The following CHIA variants were observed in gnomAD, a reference collection of about 807,000 sequenced individuals.
CHIA encodes the protein acidic mammalian chitinase.
CHIA carries 47 observed loss-of-function variants against 53.5 expected under a neutral mutation model. The observed-to-expected ratio is 0.88, with a 90% CI of 0.70 to 1.12. The LOEUF (loss-of-function observed/expected upper bound fraction) is 1.12, where lower values mean the gene tolerates loss of function less well. Ranked by LOEUF, CHIA falls within the 50% of genes most tolerant of loss-of-function variation. The probability of loss-of-function intolerance (pLI) is 0.00; values close to 1 mark genes in which losing one functional copy is unlikely to be tolerated. For missense variants in CHIA, 652 were observed against 592.2 expected (o/e 1.10, Z -1.05); for synonymous variants, 268 against 222.2 (o/e 1.21, Z -1.83).
intron 1 of CHIA, among the ~76,000 whole-genome samples, chr1:111,299,703 ACTC>A (rs1319818348): frequency 6.6e-6 from 1 of 152,076 alleles, no homozygotes; most frequent in African/African-American, 2.4e-5. Flanking sequence ...CTCTCTCACT[ACTC>A]CTATTCAACA....
chr1:111,318,025 T>C lies in CHIA; in HGVS notation c.645T>C (p.His215=), dbSNP rs761279813. The C allele has an allele frequency of 9.9e-6, 16 of 1,613,994 alleles. No individual in the cohort carries two copies. The South Asian group carries it at 1.6e-4, about 17-fold the overall frequency. The change falls in exon 8 of 12, where the codon CAT becomes CAC. Residue 215 remains histidine, a synonymous_variant. Coordinates refer to ENST00000369740, the MANE Select transcript of CHIA (RefSeq NM_201653.4). ...TCCATGTCATGACCTACGACCTCCA[T>C]GGCTCCTGGGAGGGCTACACTGGAG... is the stretch of plus-strand genomic sequence containing the variant. ...DYIHVMTYDL[H]GSWEGYTGEN... is the part of the protein sequence containing the mutation.
intron 1 of CHIA, among the ~76,000 whole-genome samples, chr1:111,296,275 C>T (rs979184875): frequency 6.6e-6 from 1 of 152,208 alleles, no homozygotes; most frequent in African/African-American, 2.4e-5. Flanking sequence ...GTCCCTGACC[C>T]CTGTGTAGCC....
At chr1:111,301,911 G>A (rs543691537) in intron 1 of CHIA, among the ~76,000 whole-genome samples, 1 of 152,164 alleles carries the variant, frequency 6.6e-6, no homozygotes, top group East Asian at 1.9e-4. Context: ...TTGCGGGGTG[G>A]GGGATTGGGG....
Position 111,312,302 on chromosome 1 carries a change from C to A in CHIA, c.168C>A (p.Tyr56Ter). 1 of 1,614,120 alleles carries A rather than the reference C, an allele frequency of 6.2e-7. No individual in the cohort carries two copies. The highest frequency in any genetic ancestry group is 1.1e-5 in the South Asian group (1 of 91,076). Residue 56 changes from tyrosine to a stop codon, truncating the protein, a stop_gained, in exon 4 of 12, where the codon TAC becomes TAA. Coordinates refer to ENST00000369740, the MANE Select transcript of CHIA (RefSeq NM_201653.4). LOFTEE classifies it high-confidence loss of function. ...CCTGCCTCTGTACCCACCTGATCTA[C>A]GCCTTTGCTGGGAGGCAGAACAACG... ...IDPCLCTHLI[Y>*]AFAGRQNNEI... is the part of the protein sequence containing the mutation.
At chr1:111,299,270 G>A (rs969376564) in intron 1 of CHIA, among the ~76,000 whole-genome samples, 12 of 152,042 alleles carry the variant, frequency 7.9e-5, no homozygotes, top group African/African-American at 2.9e-4. Context: ...CCAAAGCCTG[G>A]CAGACACACC....
At chr1:111,309,736 A>T (rs190709362) in intron 1 of CHIA, among the ~76,000 whole-genome samples, 31 of 152,370 alleles carry the variant, frequency 2.0e-4, no homozygotes, top group Admixed American at 1.8e-3. Context: ...GAAACGGTCA[A>T]GTTGCAAATA....
intron 11 of CHIA, 43 bp downstream of exon 11, chr1:111,319,511 T>C: frequency 6.3e-7 from 1 of 1,598,188 alleles, no homozygotes; most frequent in Non-Finnish European, 8.6e-7. Flanking sequence ...AAATACCCCT[T>C]CTCCAACTCA....
rs760985455 is a variant in CHIA, at chr1:111,310,419, A to G, written c.-49A>G. The G allele has an allele frequency of 1.2e-6, 2 of 1,604,692 alleles. No individual in the cohort carries two copies. Among genetic ancestry groups the G allele is most frequent in the Non-Finnish European group, 1.7e-6 (2 of 1,175,512 alleles). Reference sequence around the variant, plus strand: ...ATTTAGAAGCCTTTGTGATAACCACAGAATCAGAACATATAAAAAGCTCTG... The same window carrying G: ...ATTTAGAAGCCTTTGTGATAACCACGGAATCAGAACATATAAAAAGCTCTG... On this transcript the variant is annotated 5_prime_UTR_variant, in exon 2 of 12. Transcript: ENST00000369740.
rs550563929 is a variant in CHIA, at chr1:111,304,830, A to G, written c.-68-5570A>G. Among the ~76,000 whole-genome samples the G allele has an allele frequency of 7.9e-5, 12 of 152,256 alleles. No individual in the cohort carries two copies. The East Asian group carries it at 2.3e-3, about 29-fold the overall frequency. ...TGTGATTTTTGGTTAAAAACTGGAC[A>G]TTTGAATCTAATAATGTGGTATCTC... On this transcript the variant is annotated intron_variant, in intron 1 of 11. Coordinates refer to ENST00000369740, the MANE Select transcript of CHIA (RefSeq NM_201653.4).
chr1:111,298,990 T>G (rs1022454370), intron 1 of CHIA, among the ~76,000 whole-genome samples: 5 of 152,158 alleles, frequency 3.3e-5, no homozygotes, highest in African/African-American at 9.6e-5. Context: ...AAATCTAGAA[T>G]AAATGGATAA....
intron 4 of CHIA, among the ~76,000 whole-genome samples, chr1:111,312,803 TC>T (rs754057497): frequency 2.6e-4 from 37 of 143,570 alleles, no homozygotes; most frequent in South Asian, 1.9e-3. Context: ...CCAACCCCCA[TC>T]CCCACACCAC....
Position 111,295,935 on chromosome 1 carries a change from T to C in CHIA, c.-69+4985T>C, listed in dbSNP as rs538624347. 5.9e-5 allele frequency among the ~76,000 whole-genome samples: 9 copies of C among 152,364 alleles called. No individual in the cohort carries two copies. The East Asian group carries it at 1.2e-3, about 20-fold the overall frequency. On this transcript the variant is annotated intron_variant, in intron 1 of 11. Transcript: ENST00000369740. ...CCCGCACCTGGCTCAGTGGGTCCCATGCTCATGGAGCCTTGCTCACTGCTA... is the reference window on the plus strand; with the variant it reads ...CCCGCACCTGGCTCAGTGGGTCCCACGCTCATGGAGCCTTGCTCACTGCTA...
chr1:111,313,386 T>C (rs1246943858), intron 4 of CHIA, among the ~76,000 whole-genome samples: 1 of 152,242 alleles, frequency 6.6e-6, no homozygotes, highest in Non-Finnish European at 1.5e-5. Context: ...TGATATGTAT[T>C]TCTCTGATGA....
At chr1:111,298,869 G>T (rs1291663733) in intron 1 of CHIA, among the ~76,000 whole-genome samples, 2 of 151,692 alleles carry the variant, frequency 1.3e-5, no homozygotes, top group East Asian at 1.9e-4. Context: ...AAAGAAAGAA[G>T]AATCAAATAG....
intron 1 of CHIA, among the ~76,000 whole-genome samples, chr1:111,301,357 A>T (rs942001462): frequency 2.0e-5 from 3 of 152,202 alleles, no homozygotes; most frequent in African/African-American, 7.2e-5. Context: ...TAGACTGAAT[A>T]AAGAAAATAT....
At chr1:111,319,060 A>T (rs1649419609) in intron 9 of CHIA, 60 bp from the exon 10 acceptor site, 2 of 1,561,970 alleles carry the variant, frequency 1.3e-6, no homozygotes, top group Non-Finnish European at 1.7e-6. Context: ...AAAATTTGAA[A>T]CATGTTTTTC....
chr1:111,314,737 G>T, intron 5 of CHIA, 141 bp downstream of exon 5: 2 of 591,644 alleles, frequency 3.4e-6, no homozygotes, highest in Admixed American at 3.2e-5. Context: ...TAAATATATT[G>T]CTACACCAGA....
intron 11 of CHIA, 121 bp from the exon 12 acceptor site, chr1:111,320,092 G>A: frequency 1.3e-6 from 1 of 778,094 alleles, no homozygotes. Flanking sequence ...TCAGTTGCAG[G>A]GATCCAGAGC....
chr1:111,300,402 G>C (rs531381140), intron 1 of CHIA, among the ~76,000 whole-genome samples: 2 of 152,276 alleles, frequency 1.3e-5, no homozygotes, highest in African/African-American at 4.8e-5. Flanking sequence ...CAATGGAACA[G>C]AATAGAGGCC....
Sources: gnomAD v4.1 joint callset for allele counts (sites outside exome capture counted in the v4.1 genomes callset) on GRCh38, gnomAD v4.1.1 for gene constraint, MANE v1.5 for transcripts, NCBI Gene and HGNC (gene_info 2026-07-23, HGNC 2026-07-21) for gene names.